The following AGPAT4 variants were observed in gnomAD, a reference collection of about 807,000 sequenced individuals.
The protein encoded by AGPAT4 is 1-acylglycerol-3-phosphate O-acyltransferase 4.
AGPAT4 carries 15 observed loss-of-function variants against 48.0 expected under a neutral mutation model. That is an observed-to-expected ratio of 0.31 (90% CI 0.21 to 0.48). AGPAT4 has a LOEUF of 0.48. Ranked by LOEUF, AGPAT4 falls within the 20% of genes least tolerant of loss-of-function variation. AGPAT4 has a pLI of 0.99. For synonymous variants in AGPAT4, 178 were observed against 198.7 expected, an observed-to-expected ratio of 0.90 and a Z score of 0.88; for missense variants, 314 against 482.5, an observed-to-expected ratio of 0.65 and a Z score of 3.27.
Position 161,132,718 on chromosome 6 carries a change from C to T in AGPAT4, c.*3822G>A, listed in dbSNP as rs1778940523. 1.3e-5 allele frequency: 2 copies of T among 152,354 alleles called. No individual in the cohort carries two copies. Among genetic ancestry groups the T allele is most frequent in the South Asian group, 4.1e-4 (2 of 4,826 alleles). The allele number at this position is 152,354 out of a possible 1,614,324, so 9.4% of individuals were successfully genotyped here. On this transcript the variant is annotated 3_prime_UTR_variant, in exon 9 of 9. Transcript: ENST00000320285. ...AGTATTTCCTTCTCTGTGAACATCA[C>T]TTAGGAGCTACGTCAGTTAAGGCAT...
In AGPAT4 at chr6:161,222,103, A is replaced by C. The variant is rs1781851471; in HGVS notation, c.178+9933T>G. Among the ~76,000 whole-genome samples the C allele has an allele frequency of 6.6e-6, 1 of 152,204 alleles. No homozygotes were observed. The highest frequency in any genetic ancestry group is 1.5e-5 in the Non-Finnish European group (1 of 68,036). ...CTCAGGTCCTGTAAGGCACAGCCTG[A>C]AACACCTTCCTTGTCACCCCTGGTC... is the stretch of plus-strand genomic sequence containing the variant. On this transcript the variant is annotated intron_variant, in intron 2 of 8. Coordinates refer to ENST00000320285, the MANE Select transcript of AGPAT4 (RefSeq NM_020133.3). This position sits in a 1 kb window ranked among gnomAD's most constrained non-coding sequence, Gnocchi z 5.9.
Position 161,206,824 on chromosome 6 carries a change from C to CA in AGPAT4, c.178+25211dup, listed in dbSNP as rs1055570840. Among the ~76,000 whole-genome samples the CA allele has an allele frequency of 3.3e-5, 5 of 151,520 alleles. No individual in the cohort carries two copies. Among genetic ancestry groups the CA allele is most frequent in the Non-Finnish European group, 4.4e-5 (3 of 67,840 alleles). On this transcript the variant is annotated intron_variant, in intron 2 of 8. Coordinates refer to ENST00000320285, the MANE Select transcript of AGPAT4 (RefSeq NM_020133.3). This position sits in a 1 kb window ranked among gnomAD's most constrained non-coding sequence, Gnocchi z 4.8. ...CAAATAAAAAAAAAGTCTTCACAAA[C>CA]AAAAAAAGGTTTTCAAAAAAAGAAC...
chr6:161,162,122 C>G (rs554365771), intron 3 of AGPAT4: 1 of 156,388 alleles, frequency 6.4e-6, no homozygotes, highest in Non-Finnish European at 1.4e-5. Flanking sequence ...AATGCAACAT[C>G]TCAATCTGTG....
rs1470918174 is a variant in AGPAT4 at position 161,140,091 on chromosome 6, G to A, written c.844-471C>T. Among the ~76,000 whole-genome samples, 6 of 152,238 alleles carry A rather than the reference G, an allele frequency of 3.9e-5. No homozygotes were observed. Among genetic ancestry groups the A allele is most frequent in the Non-Finnish European group, 7.3e-5 (5 of 68,044 alleles). On this transcript the variant is annotated intron_variant, in intron 7 of 8. Coordinates refer to ENST00000320285, the MANE Select transcript of AGPAT4 (RefSeq NM_020133.3). This position sits in a 1 kb window ranked among gnomAD's most constrained non-coding sequence, Gnocchi z 6.5. The stretch of plus-strand genomic sequence containing the variant: ...AGTCAGGAGGAGCTCGCCCAGCCCG[G>A]CCCGGCACATGCCCCGCCTTCCCGG...
Position 161,144,331 on chromosome 6 carries a change from G to A in AGPAT4, c.843+2193C>T. 2 of 406,704 alleles carry A rather than the reference G, an allele frequency of 4.9e-6. No individual in the cohort carries two copies. Among genetic ancestry groups the A allele is most frequent in the South Asian group, 1.8e-5 (1 of 55,852 alleles). The allele number at this position is 406,704 out of a possible 1,614,324, so 25.2% of individuals were successfully genotyped here. ...CTTTGATCAGTGAGCTGGAAAACTG[G>A]GTAAATCACTTCATCTTTCGGACCT... On this transcript the variant is annotated intron_variant, in intron 7 of 8. Coordinates refer to ENST00000320285, the MANE Select transcript of AGPAT4 (RefSeq NM_020133.3). This position sits in a 1 kb window ranked among gnomAD's most constrained non-coding sequence, Gnocchi z 6.6.
At position 161,158,219 on chromosome 6, in the gene AGPAT4, T is replaced by G. The variant is rs1779815537; in HGVS notation, c.349-3909A>C. Among the ~76,000 whole-genome samples the G allele has an allele frequency of 6.6e-6, 1 of 152,204 alleles. No individual in the cohort carries two copies. The highest frequency in any genetic ancestry group is 2.1e-4 in the South Asian group (1 of 4,826). ...TGACAAAGAGACTAGAAACTGCTAT[T>G]AAGACATACTGACAGTTCCCCCGGC... is the stretch of plus-strand genomic sequence containing the variant. On this transcript the variant is annotated intron_variant, in intron 3 of 8. Transcript: ENST00000320285. This position sits in a 1 kb window ranked among gnomAD's most constrained non-coding sequence, Gnocchi z 5.3.
At chr6:161,168,182 G>C (rs1044169473) in intron 2 of AGPAT4, among the ~76,000 whole-genome samples, 1 of 152,114 alleles carries the variant, frequency 6.6e-6, no homozygotes, top group African/African-American at 2.4e-5. Flanking sequence ...CTGACAAAGG[G>C]ACAGAGGGAC....
At position 161,181,600 on chromosome 6, in the gene AGPAT4, G is replaced by A. The variant is rs571598060; in HGVS notation, c.179-15183C>T. On this transcript the variant is annotated intron_variant, in intron 2 of 8. Coordinates refer to ENST00000320285, the MANE Select transcript of AGPAT4 (RefSeq NM_020133.3). ...TTATTTTTACTTTTAATTTTTGTGA[G>A]ACAGTCTCGCTCTGTTGCCCAGGCT... 1.7e-4 allele frequency among the ~76,000 whole-genome samples: 26 copies of A among 151,638 alleles called. No homozygotes were observed. In the East Asian group the frequency reaches 5.0e-3, roughly 29 times the overall value.
rs1778993298 is a variant in AGPAT4, at chr6:161,134,323, ATGTC to A, written c.*2213_*2216del. 6.6e-6 allele frequency: 1 copy of A among 152,176 alleles called. No homozygotes were observed. The highest frequency in any genetic ancestry group is 1.5e-5 in the Non-Finnish European group (1 of 68,036). The allele number at this position is 152,176 out of a possible 1,614,324, so 9.4% of individuals were successfully genotyped here. A position where few individuals can be genotyped will look rare whatever the true frequency, so the allele number is the denominator to read the frequency against. On this transcript the variant is annotated 3_prime_UTR_variant, in exon 9 of 9. Coordinates refer to ENST00000320285, the MANE Select transcript of AGPAT4 (RefSeq NM_020133.3). ...CAGAGCCAATTCAGAAGAAAATTGA[ATGTC>A]TGTGGGCCCCCGGATCTATGTTTTT...
At chr6:161,145,701 T>C (rs1392770879) in intron 7 of AGPAT4, among the ~76,000 whole-genome samples, 1 of 151,620 alleles carries the variant, frequency 6.6e-6, no homozygotes, top group Admixed American at 6.6e-5. Flanking sequence ...GGTAATTCTC[T>C]CCTTTGAGAA....
rs2114946252 is a variant in AGPAT4, at chr6:161,136,284, TCA to T, written c.*254_*255del. The T allele has an allele frequency of 4.6e-6, 2 of 433,800 alleles. No homozygotes were observed. Among genetic ancestry groups the T allele is most frequent in the African/African-American group, 4.1e-5 (2 of 49,322 alleles). 26.9% of individuals were successfully genotyped at this position (433,800 alleles called of 1,614,324 possible). A position where few individuals can be genotyped will look rare whatever the true frequency, so the allele number is the denominator to read the frequency against. ...TATGATCACAGAACAAAGTTCACACTCACCACACAGCCATTCTCACACACACT... is the reference window on the plus strand; with the variant it reads ...TATGATCACAGAACAAAGTTCACACTCCACACAGCCATTCTCACACACACT... On this transcript the variant is annotated 3_prime_UTR_variant, in exon 9 of 9. Transcript: ENST00000320285.
Position 161,198,823 on chromosome 6 carries a change from G to A in AGPAT4, c.179-32406C>T, listed in dbSNP as rs1468494816. ...TGACCTGGAACGTATATGTTGTTTC[G>A]AGTAAAGACAAAATTACATAGCTTA... On this transcript the variant is annotated intron_variant, in intron 2 of 8. Coordinates refer to ENST00000320285, the MANE Select transcript of AGPAT4 (RefSeq NM_020133.3). This position sits in a 1 kb window ranked among gnomAD's most constrained non-coding sequence, Gnocchi z 4.3. Among the ~76,000 whole-genome samples, 2 of 152,078 alleles carry A rather than the reference G, an allele frequency of 1.3e-5. No homozygotes were observed. Among genetic ancestry groups the A allele is most frequent in the South Asian group, 2.1e-4 (1 of 4,832 alleles).
At position 161,202,794 on chromosome 6, in the gene AGPAT4, G is replaced by A. The variant is rs987365487; in HGVS notation, c.178+29242C>T. Among the ~76,000 whole-genome samples the A allele has an allele frequency of 3.9e-5, 6 of 152,108 alleles. No individual in the cohort carries two copies. The highest frequency in any genetic ancestry group is 7.4e-5 in the Non-Finnish European group (5 of 68,022). On this transcript the variant is annotated intron_variant, in intron 2 of 8. Transcript: ENST00000320285. The surrounding 1 kb of genome is among the most constrained non-coding windows in gnomAD (Gnocchi z 5.4). ...AGGCCAGGTCATAACCTTATGCCCC[G>A]TGAATGGGGACACTGACTTTTGGAG...
intron 2 of AGPAT4, among the ~76,000 whole-genome samples, chr6:161,213,988 T>C (rs915536761): frequency 5.9e-5 from 9 of 152,026 alleles, no homozygotes; most frequent in African/African-American, 2.2e-4. Flanking sequence ...AAAGGGAAAA[T>C]TCAAGCTGGG....
chr6:161,179,294 C>A (rs1780518512), intron 2 of AGPAT4, among the ~76,000 whole-genome samples: 2 of 152,174 alleles, frequency 1.3e-5, no homozygotes, highest in Non-Finnish European at 2.9e-5. Flanking sequence ...AAGGGCCCAG[C>A]ACCACTCTCT....
Position 161,219,916 on chromosome 6 carries a change from C to CAGCA in AGPAT4, c.178+12119_178+12120insTGCT, listed in dbSNP as rs770490075. On this transcript the variant is annotated intron_variant, in intron 2 of 8. Coordinates refer to ENST00000320285, the MANE Select transcript of AGPAT4 (RefSeq NM_020133.3). The surrounding 1 kb of genome is among the most constrained non-coding windows in gnomAD (Gnocchi z 4.9). The stretch of plus-strand genomic sequence containing the variant: ...GCAGGCAGGCAGGCAGGCAGGCAGG[C>CAGCA]GGCAGGCAGGCAGGCAGGCAGGCAG... Among the ~76,000 whole-genome samples the CAGCA allele has an allele frequency of 1.9e-5, 2 of 105,990 alleles. No individual in the cohort carries two copies. Among genetic ancestry groups the CAGCA allele is most frequent in the Admixed American group, 9.3e-5 (1 of 10,800 alleles). The allele number at this position is 105,990 out of a possible 152,430, so 69.5% of individuals were successfully genotyped here.
At chr6:161,205,204 C>G (rs1781348407) in intron 2 of AGPAT4, among the ~76,000 whole-genome samples, 1 of 152,176 alleles carries the variant, frequency 6.6e-6, no homozygotes, top group South Asian at 2.1e-4. Flanking sequence ...CTCCTGGCTG[C>G]CCCACCACAG....
intron 1 of AGPAT4, among the ~76,000 whole-genome samples, chr6:161,268,923 C>G (rs1783345080): frequency 6.6e-6 from 1 of 152,210 alleles, no homozygotes; most frequent in Admixed American, 6.5e-5. Flanking sequence ...AGAGCCACCA[C>G]TAGTTTCTGG....
rs1203105607 is a variant in AGPAT4, at chr6:161,219,652, C to T, written c.178+12384G>A. Among the ~76,000 whole-genome samples, 1 of 152,202 alleles carries T rather than the reference C, an allele frequency of 6.6e-6. No homozygotes were observed. The highest frequency in any genetic ancestry group is 1.5e-5 in the Non-Finnish European group (1 of 68,040). On this transcript the variant is annotated intron_variant, in intron 2 of 8. Coordinates refer to ENST00000320285, the MANE Select transcript of AGPAT4 (RefSeq NM_020133.3). This position sits in a 1 kb window ranked among gnomAD's most constrained non-coding sequence, Gnocchi z 4.9. Reference sequence around the variant, plus strand: ...TAAACCATATGAATAGCTAAGACAACTTGACTTAAGCCAAGCATCCATTCA... The same window carrying T: ...TAAACCATATGAATAGCTAAGACAATTTGACTTAAGCCAAGCATCCATTCA...
Sources: gnomAD v4.1 joint callset for allele counts (sites outside exome capture counted in the v4.1 genomes callset) on GRCh38, gnomAD v4.1.1 for gene constraint, Gnocchi (gnomAD v3.1) non-coding constraint, MANE v1.5 for transcripts, NCBI Gene and HGNC (gene_info 2026-07-23, HGNC 2026-07-21) for gene names.